NADSYN1: variants seen among roughly 807,000 people sequenced by gnomAD.
NADSYN1 encodes the protein glutamine-dependent NAD(+) synthetase.
In NADSYN1, 80 loss-of-function variants were observed where a neutral mutation model predicts 99.3. That is an observed-to-expected ratio of 0.81 (90% CI 0.67 to 0.97). The LOEUF (loss-of-function observed/expected upper bound fraction) is 0.97. Among genes scored for constraint, NADSYN1 ranks in the 50% least tolerant of loss-of-function variants. The pLI, the probability that NADSYN1 is intolerant of heterozygous loss-of-function variation, is 0.00. For missense variants in NADSYN1, 859 were observed against 948.5 expected (o/e 0.91, Z 1.24); for synonymous variants, 385 against 372.1 (o/e 1.03, Z -0.40).
At position 71,501,481 on chromosome 11, in the gene NADSYN1, G is replaced by A; in HGVS notation, c.*129G>A. On this transcript the variant is annotated 3_prime_UTR_variant, in exon 21 of 21. Transcript: ENST00000319023. The stretch of plus-strand genomic sequence containing the variant: ...GGGACGGCGCATCAGCCGAGAGGGA[G>A]GGAACTTTTCAGTCAAATTCCTCAA... The A allele has an allele frequency of 3.6e-6, 3 of 833,146 alleles. No homozygotes were observed. The South Asian group carries it at 5.1e-5, about 14-fold the overall frequency. 51.6% of individuals were successfully genotyped at this position (833,146 alleles called of 1,614,324 possible). A position where few individuals can be genotyped will look rare whatever the true frequency, so the allele number is the denominator to read the frequency against.
chr11:71,477,162 G>T (rs934700602), intron 9 of NADSYN1: 8 of 1,142,582 alleles, frequency 7.0e-6, no homozygotes, highest in Non-Finnish European at 8.7e-6. Context: ...GTTTCTCAGG[G>T]TCTTCCTAAT....
intron 3 of NADSYN1, among the ~76,000 whole-genome samples, chr11:71,461,140 G>A (rs1382822210): frequency 3.9e-5 from 6 of 152,120 alleles, no homozygotes; most frequent in South Asian, 2.1e-4. Flanking sequence ...TTCCTGGTGC[G>A]TTGTTCGGTG....
At chr11:71,481,484 T>C (rs898647432) in intron 12 of NADSYN1, 80 bp downstream of exon 12, 2 of 148,346 alleles carry the variant, frequency 1.3e-5, no homozygotes, top group African/African-American at 2.7e-5. Flanking sequence ...AGGGTAGGGA[T>C]TTTTTTTTTT....
At chr11:71,462,955 G>T (rs1949559777) in intron 3 of NADSYN1, among the ~76,000 whole-genome samples, 1 of 152,176 alleles carries the variant, frequency 6.6e-6, no homozygotes. Context: ...TGTTGGCGAG[G>T]TGATGGGAGC....
intron 9 of NADSYN1, chr11:71,477,475 G>A (rs775081715): frequency 2.9e-5 from 37 of 1,283,162 alleles, no homozygotes; most frequent in East Asian, 2.2e-4. Context: ...AGCAAGGGGC[G>A]CGCAAGGTGG....
intron 20 of NADSYN1, chr11:71,499,731 G>A (rs760676546): frequency 4.6e-5 from 7 of 152,154 alleles, no homozygotes; most frequent in East Asian, 1.9e-4. Flanking sequence ...GGAGAGAGCC[G>A]GCCAGTGAGT....
intron 9 of NADSYN1, chr11:71,476,946 G>C: frequency 1.0e-6 from 1 of 991,512 alleles, no homozygotes; most frequent in Non-Finnish European, 1.2e-6. Context: ...TTGCCTGAGA[G>C]CTCCGTCGTA....
chr11:71,455,160 C>G lies in NADSYN1; in HGVS notation c.136C>G (p.Leu46Val). ...RGARYRLGPE[L>V]EICGYGCWDH... is the part of the protein sequence containing the mutation. Reference sequence around the variant, plus strand: ...AGCAAGATACAGGCTTGGACCAGAGCTGGAAATATGGTGAGAACAGACACA... The same window carrying G: ...AGCAAGATACAGGCTTGGACCAGAGGTGGAAATATGGTGAGAACAGACACA... The change falls in exon 2 of 21, where the codon CTG becomes GTG. Residue 46 changes from leucine to valine, a missense_variant. Physicochemically the swap from Leu to Val is conservative, Grantham distance 32 (BLOSUM62 1). Coordinates refer to ENST00000319023, the MANE Select transcript of NADSYN1 (RefSeq NM_018161.5). 1.2e-6 allele frequency: 2 copies of G among 1,613,808 alleles called. No individual in the cohort carries two copies. Among genetic ancestry groups the G allele is most frequent in the East Asian group, 4.5e-5 (2 of 44,880 alleles).
At chr11:71,474,125 A>G (rs1276494090) in intron 8 of NADSYN1, among the ~76,000 whole-genome samples, 1 of 152,224 alleles carries the variant, frequency 6.6e-6, no homozygotes, top group East Asian at 1.9e-4. Flanking sequence ...TCTGAACCTC[A>G]TCATGCCTGA....
chr11:71,473,781 C>T (rs569813247), intron 8 of NADSYN1, 95 bp downstream of exon 8: 1 of 890,616 alleles, frequency 1.1e-6, no homozygotes, highest in Admixed American at 1.9e-5. Context: ...TGGGCCCACA[C>T]ACAATGGATG....
At chr11:71,478,366 C>T (rs766517140) in intron 9 of NADSYN1, 29 bp from the exon 10 acceptor site, 88 of 1,554,560 alleles carry the variant, frequency 5.7e-5, no homozygotes, top group South Asian at 1.2e-4. Flanking sequence ...CGGGAAATCA[C>T]GGGTTCTCTT....
rs1212393788 is a variant in NADSYN1 at position 71,472,433 on chromosome 11, G to T, written c.408-16G>T. ...TGAGATGCTCATCCTCAGCTCCTCG[G>T]TGTTTTCCTCTCCAGGCACACAGAG... On this transcript the variant is annotated splice_polypyrimidine_tract_variant and intron_variant, in intron 5 of 20. Transcript: ENST00000319023. 6.2e-7 allele frequency: 1 copy of T among 1,603,252 alleles called. No homozygotes were observed.
chr11:71,477,435 C>G lies in NADSYN1; in HGVS notation c.799-960C>G, dbSNP rs965458777. The G allele has an allele frequency of 3.9e-6, 5 of 1,289,596 alleles. No homozygotes were observed. In the African/African-American group the frequency reaches 7.6e-5, roughly 20 times the overall value. 79.9% of individuals were successfully genotyped at this position (1,289,596 alleles called of 1,614,324 possible). On this transcript the variant is annotated intron_variant, in intron 9 of 20. Coordinates refer to ENST00000319023, the MANE Select transcript of NADSYN1 (RefSeq NM_018161.5). The stretch of plus-strand genomic sequence containing the variant: ...TCCTTGTCTTCATGGGCATCTCCGG[C>G]CAGGTATGGCCCCCTGTTACGGCGG...
intron 2 of NADSYN1, among the ~76,000 whole-genome samples, chr11:71,455,960 T>G (rs963598507): frequency 6.6e-6 from 1 of 152,226 alleles, no homozygotes; most frequent in Non-Finnish European, 1.5e-5. Context: ...AACAAAACAA[T>G]GAGTAGCCAC....
At chr11:71,471,691 C>A (rs1362895493) in intron 5 of NADSYN1, among the ~76,000 whole-genome samples, 1 of 152,146 alleles carries the variant, frequency 6.6e-6, no homozygotes, top group Non-Finnish European at 1.5e-5. Context: ...GGCGAGGCAG[C>A]CTGCAGTTCT....
At chr11:71,482,409 C>T (rs1949714247) in intron 13 of NADSYN1, among the ~76,000 whole-genome samples, 1 of 152,206 alleles carries the variant, frequency 6.6e-6, no homozygotes, top group Admixed American at 6.5e-5. Context: ...GGGCTGTGGG[C>T]CATAGCCTGG....
At chr11:71,498,557 C>T (rs748054434) in intron 20 of NADSYN1, 29 bp downstream of exon 20, 9 of 1,608,482 alleles carry the variant, frequency 5.6e-6, no homozygotes, top group Non-Finnish European at 4.3e-6. Context: ...TTTCTCTCTC[C>T]ATGTTTCATG....
intron 1 of NADSYN1, 71 bp from the exon 2 acceptor site, chr11:71,455,039 G>T: frequency 9.5e-6 from 11 of 1,153,824 alleles, no homozygotes; most frequent in Non-Finnish European, 1.4e-5. Flanking sequence ...ACTGCAGCAG[G>T]TTGTTTCATC....
Position 71,477,372 on chromosome 11 carries a change from G to A in NADSYN1, c.799-1023G>A, listed in dbSNP as rs1245463638. ...TGGTGGCCAGGGTGCTGTCACTTTG[G>A]GAAGCAGCCAGAGAACCACAGGATG... is the stretch of plus-strand genomic sequence containing the variant. On this transcript the variant is annotated intron_variant, in intron 9 of 20. Transcript: ENST00000319023. The A allele has an allele frequency of 3.1e-6, 4 of 1,289,734 alleles. No homozygotes were observed. The South Asian group carries it at 4.9e-5, about 16-fold the overall frequency. 79.9% of individuals were successfully genotyped at this position (1,289,734 alleles called of 1,614,324 possible).
Sources: allele counts gnomAD v4.1 joint callset (sites outside exome capture counted in the v4.1 genomes callset), GRCh38; gene constraint gnomAD v4.1.1; transcripts MANE v1.5; gene names NCBI Gene and HGNC (gene_info 2026-07-23, HGNC 2026-07-21).